Variants in SMURF1 observed in about 807,000 individuals in gnomAD.
SMURF1 encodes the protein E3 ubiquitin-protein ligase SMURF1.
Under a neutral mutation model 98.0 loss-of-function variants are expected in SMURF1, and 44 were observed. The observed-to-expected ratio is 0.45, with a 90% CI of 0.35 to 0.58. The LOEUF is 0.58. Among genes scored for constraint, SMURF1 ranks in the 20% least tolerant of loss-of-function variants. The probability of loss-of-function intolerance (pLI) is 0.00; values close to 1 mark genes in which losing one functional copy is unlikely to be tolerated. For synonymous variants in SMURF1, 396 were observed against 374.9 expected (o/e 1.06, Z -0.65); for missense variants, 687 against 938.4 (o/e 0.73, Z 3.50).
intron 5 of SMURF1, among the ~76,000 whole-genome samples, chr7:99,056,056 A>T (rs1795869085): frequency 1.3e-5 from 2 of 152,252 alleles, no homozygotes; most frequent in South Asian, 4.1e-4. Context: ...TTTACTATGA[A>T]CAAGACTTTT....
chr7:99,033,238 C>T, intron 16 of SMURF1, 117 bp from the exon 17 acceptor site: 2 of 1,017,006 alleles, frequency 2.0e-6, no homozygotes, highest in Non-Finnish European at 2.9e-6. Flanking sequence ...CCCAGGCAGG[C>T]TGTCCTGTGA....
rs538198812 is a variant in SMURF1 at position 99,088,213 on chromosome 7, G to A, written c.56-26376C>T. On this transcript the variant is annotated intron_variant, in intron 1 of 17. Transcript: ENST00000361368. Reference sequence around the variant, plus strand: ...GTGGAGGCTGCAGTGAGCCGAGATCGTGCCACTGCACTGCAGCCTGGGCAA... The same window carrying A: ...GTGGAGGCTGCAGTGAGCCGAGATCATGCCACTGCACTGCAGCCTGGGCAA... 1.7e-4 allele frequency among the ~76,000 whole-genome samples: 25 copies of A among 151,502 alleles called. No individual in the cohort carries two copies. The South Asian group carries it at 1.9e-3, about 11-fold the overall frequency.
chr7:99,035,469 C>G, intron 16 of SMURF1, 46 bp downstream of exon 16: 1 of 1,602,626 alleles, frequency 6.2e-7, no homozygotes, highest in Non-Finnish European at 8.5e-7. Flanking sequence ...CTGCCCACAG[C>G]GCACATAGAC....
chr7:99,084,380 G>A (rs10258663), intron 1 of SMURF1, among the ~76,000 whole-genome samples: 6,837 of 152,142 alleles, frequency 0.045, 403 homozygotes, highest in African/African-American at 0.13. Flanking sequence ...TCTTGACCTC[G>A]TGATCCGCCC....
chr7:99,088,151 G>A (rs956839878), intron 1 of SMURF1, among the ~76,000 whole-genome samples: 7 of 151,762 alleles, frequency 4.6e-5, no homozygotes, highest in African/African-American at 1.2e-4. Context: ...CCAGCTACTC[G>A]GGAGGCTGAG....
rs545417739 is a variant in SMURF1, at chr7:99,113,065, G to A, written c.55+30661C>T. 2.0e-5 allele frequency among the ~76,000 whole-genome samples: 3 copies of A among 152,162 alleles called. No individual in the cohort carries two copies. In the South Asian group the frequency reaches 6.2e-4, roughly 32 times the overall value. On this transcript the variant is annotated intron_variant, in intron 1 of 17. Transcript: ENST00000361368. ...ATCTGGCATAACATAAGCATAATAG[G>A]AATCCCAGAATGAGAGAAGAGAAAG...
intron 1 of SMURF1, among the ~76,000 whole-genome samples, chr7:99,096,602 AC>A (rs1303366839): frequency 1.3e-5 from 2 of 152,232 alleles, no homozygotes; most frequent in African/African-American, 4.8e-5. Context: ...GGGTCAATTC[AC>A]CAAGAAGATA....
Position 99,030,539 on chromosome 7 carries a change from T to C in SMURF1, c.*45A>G, listed in dbSNP as rs201398310. ...GAGGTGCACAGAAGCTGGATGCTTTTGGTCTGGTGGCCATGAGCTAGACTC... is the reference window on the plus strand; with the variant it reads ...GAGGTGCACAGAAGCTGGATGCTTTCGGTCTGGTGGCCATGAGCTAGACTC... On this transcript the variant is annotated 3_prime_UTR_variant, in exon 18 of 18. Transcript: ENST00000361368. 1.8e-5 allele frequency: 28 copies of C among 1,530,242 alleles called. No individual in the cohort carries two copies. The East Asian group carries it at 5.4e-4, about 29-fold the overall frequency. 94.8% of individuals were successfully genotyped at this position (1,530,242 alleles called of 1,614,324 possible). A position where few individuals can be genotyped will look rare whatever the true frequency, so the allele number is the denominator to read the frequency against.
chr7:99,048,031 G>C lies in SMURF1; in HGVS notation c.954-149C>G, dbSNP rs971601941. ...CCCTGATGACGTAACCAGGTACCTAGCTAGCTGTGTCAAACTTGCTGATGG... is the reference window on the plus strand; with the variant it reads ...CCCTGATGACGTAACCAGGTACCTACCTAGCTGTGTCAAACTTGCTGATGG... On this transcript the variant is annotated intron_variant, in intron 9 of 17. Coordinates refer to ENST00000361368, the MANE Select transcript of SMURF1 (RefSeq NM_181349.3). 3.4e-5 allele frequency: 24 copies of C among 708,708 alleles called. No homozygotes were observed. In the Middle Eastern group the frequency reaches 1.2e-3, roughly 35 times the overall value. 43.9% of individuals were successfully genotyped at this position (708,708 alleles called of 1,614,324 possible).
At chr7:99,040,179 G>C (rs1795317258) in intron 13 of SMURF1, among the ~76,000 whole-genome samples, 199 bp downstream of exon 13, 1 of 152,120 alleles carries the variant, frequency 6.6e-6, no homozygotes, top group Non-Finnish European at 1.5e-5. Context: ...GCCCAGGCTG[G>C]TGTCGAACTC....
intron 1 of SMURF1, among the ~76,000 whole-genome samples, chr7:99,136,780 T>C (rs1484156974): frequency 6.6e-5 from 10 of 152,096 alleles, no homozygotes; most frequent in Non-Finnish European, 4.4e-5. Context: ...CGAAACCCCA[T>C]CTCTACCAAA....
At chr7:99,109,779 G>T (rs1797280233) in intron 1 of SMURF1, among the ~76,000 whole-genome samples, 1 of 152,098 alleles carries the variant, frequency 6.6e-6, no homozygotes, top group African/African-American at 2.4e-5. Context: ...ATCCAAGTAT[G>T]ATTTTTTTAA....
At chr7:99,035,801 G>T in intron 15 of SMURF1, 85 bp from the exon 16 acceptor site, 1 of 1,327,952 alleles carries the variant, frequency 7.5e-7, no homozygotes. Flanking sequence ...ACACACAACA[G>T]TGAAAAGTCG....
intron 1 of SMURF1, among the ~76,000 whole-genome samples, chr7:99,093,789 A>G (rs984921844): frequency 6.6e-6 from 1 of 152,072 alleles, no homozygotes; most frequent in Non-Finnish European, 1.5e-5. Flanking sequence ...TTAAAAAACT[A>G]TATATGGGAT....
chr7:99,119,045 A>G (rs1020940505), intron 1 of SMURF1, among the ~76,000 whole-genome samples: 1 of 82,000 alleles, frequency 1.2e-5, no homozygotes, highest in African/African-American at 5.3e-5. Context: ...TTTTTTTTTT[A>G]GAGACAGGGT....
chr7:99,125,092 C>G (rs1797717043), intron 1 of SMURF1, among the ~76,000 whole-genome samples: 1 of 145,212 alleles, frequency 6.9e-6, no homozygotes, highest in African/African-American at 2.6e-5. Flanking sequence ...TTCATTCATT[C>G]ATTCGAGACA....
intron 8 of SMURF1, chr7:99,049,950 C>G (rs947000342): frequency 2.6e-6 from 1 of 385,286 alleles, no homozygotes; most frequent in Non-Finnish European, 4.6e-6. Flanking sequence ...CGGTAGCTCA[C>G]GCCTGTAATC....
chr7:99,078,278 G>T (rs1431287321), intron 1 of SMURF1, among the ~76,000 whole-genome samples: 1 of 148,438 alleles, frequency 6.7e-6, no homozygotes, highest in Non-Finnish European at 1.5e-5. Flanking sequence ...CTCCAGCCTG[G>T]GCGAAAAAAA....
At chr7:99,043,874 C>T (rs1359998484) in intron 11 of SMURF1, among the ~76,000 whole-genome samples, 2 of 152,156 alleles carry the variant, frequency 1.3e-5, no homozygotes, top group African/African-American at 2.4e-5. Flanking sequence ...AGCTATGGGA[C>T]GCCCAGGACA....
Sources: gnomAD v4.1 joint callset for allele counts (sites outside exome capture counted in the v4.1 genomes callset) on GRCh38, gnomAD v4.1.1 for gene constraint, MANE v1.5 for transcripts, NCBI Gene and HGNC (gene_info 2026-07-23, HGNC 2026-07-21) for gene names.